Variants in ITGB5 observed in about 807,000 individuals in gnomAD.
ITGB5 encodes the protein integrin beta-5.
A neutral mutation model predicts 84.8 loss-of-function variants in ITGB5; 38 were observed. The observed-to-expected ratio is 0.45, with a 90% confidence interval of 0.35 to 0.59. The LOEUF is 0.59. Ranked by LOEUF, ITGB5 falls within the 20% of genes least tolerant of loss-of-function variation. ITGB5 has a pLI of 0.01. For missense variants in ITGB5, 905 were observed against 1,034.5 expected (o/e 0.87, Z 1.72); for synonymous variants, 393 against 414.4 (o/e 0.95, Z 0.63).
intron 10 of ITGB5, chr3:124,791,745 AG>A (rs1012480633): frequency 6.6e-6 from 1 of 152,212 alleles, no homozygotes; most frequent in African/African-American, 2.4e-5. Flanking sequence ...AGCACCTTCA[AG>A]AGCAGAGTGG....
Position 124,796,787 on chromosome 3 carries a change from T to G in ITGB5, c.1294A>C (p.Ser432Arg). The change falls in exon 10 of 15, where the codon AGC (serine) becomes CGC (arginine). Residue 432 changes from serine (S) to arginine (R), a missense_variant. By Grantham distance (110) the Ser-to-Arg change is moderately radical (BLOSUM62 -1). This residue lies in a region of ITGB5 where 656 missense variants were observed against 734.7 expected (regional missense o/e 0.89). Transcript: ENST00000296181. Reference protein sequence around the residue: ...ASFEVSLEARSCPSRHTEHVF... With the variant: ...ASFEVSLEARRCPSRHTEHVF... ...TGCTCCGTGTGTCTGCTGGGACAGC[T>G]TCGGGCCTCCAATGATACTTCAAAA... The G allele has an allele frequency of 6.2e-7, 1 of 1,610,454 alleles. No homozygotes were observed. The highest frequency in any genetic ancestry group is 1.1e-5 in the South Asian group (1 of 90,686).
intron 10 of ITGB5, among the ~76,000 whole-genome samples, chr3:124,778,041 G>T (rs2083425): frequency 0.16 from 25,002 of 152,086 alleles, 2,257 homozygotes; most frequent in Admixed American, 0.25. Context: ...ACATCCTGGC[G>T]GACAGTGCTC....
chr3:124,796,611 G>A lies in ITGB5; in HGVS notation c.1470C>T (p.Ser490=), dbSNP rs751682199. The A allele has an allele frequency of 4.2e-5, 67 of 1,614,016 alleles. No individual in the cohort carries two copies. Among genetic ancestry groups the A allele is most frequent in the Non-Finnish European group, 4.7e-5 (55 of 1,180,020 alleles). The change falls in exon 10 of 15, where the codon AGC becomes AGT. Residue 490 remains serine (S), a synonymous_variant. Coordinates refer to ENST00000296181, the MANE Select transcript of ITGB5 (RefSeq NM_002213.5). ...GTYVCGLCEC[S]PGYLGTRCEC... is the part of the protein sequence containing the mutation. ...CGCACCTGGTGCCCAGGTAGCCGGGGCTGCACTCACACAGGCCGCAGACAT... is the reference window on the plus strand; with the variant it reads ...CGCACCTGGTGCCCAGGTAGCCGGGACTGCACTCACACAGGCCGCAGACAT...
chr3:124,891,370 G>A (rs1337316587), upstream of ITGB5, among the ~76,000 whole-genome samples: 1 of 152,088 alleles, frequency 6.6e-6, no homozygotes, highest in African/African-American at 2.4e-5. Context: ...ACTTATAGTG[G>A]ACTATTATCA....
At chr3:124,864,381 C>G (rs990034165) in intron 2 of ITGB5, among the ~76,000 whole-genome samples, 1 of 152,102 alleles carries the variant, frequency 6.6e-6, no homozygotes, top group African/African-American at 2.4e-5. Context: ...GCTGGGATTA[C>G]AGGTGTGAGC....
intron 1 of ITGB5, among the ~76,000 whole-genome samples, chr3:124,892,746 T>G (rs916721163): frequency 6.7e-6 from 1 of 149,620 alleles, no homozygotes; most frequent in Non-Finnish European, 1.5e-5. Flanking sequence ...TATGTCTATT[T>G]TACCTGTAAA....
upstream of ITGB5, among the ~76,000 whole-genome samples, chr3:124,891,334 T>A (rs576840291): frequency 6.6e-6 from 1 of 152,132 alleles, no homozygotes; most frequent in African/African-American, 2.4e-5. Flanking sequence ...CATCAACAGA[T>A]GAACAGAAGA....
chr3:124,892,249 T>C (rs59000678), upstream of ITGB5, among the ~76,000 whole-genome samples: 105,887 of 151,528 alleles, frequency 0.7, 37,209 homozygotes, highest in East Asian at 0.78. Context: ...CTGCCTCGGC[T>C]TCCCAAAGTG....
chr3:124,835,637 G>A (rs992294779), intron 5 of ITGB5, among the ~76,000 whole-genome samples: 2 of 152,222 alleles, frequency 1.3e-5, no homozygotes, highest in Non-Finnish European at 1.5e-5. Flanking sequence ...AACATGTGGC[G>A]GGTCCCTCTC....
At position 124,819,497 on chromosome 3, in the gene ITGB5, G is replaced by A. The variant is rs550350183; in HGVS notation, c.1038+242C>T. 7.9e-5 allele frequency among the ~76,000 whole-genome samples: 12 copies of A among 151,976 alleles called. No individual in the cohort carries two copies. The South Asian group carries it at 1.0e-3, about 13-fold the overall frequency. On this transcript the variant is annotated intron_variant, in intron 7 of 14. Transcript: ENST00000296181. ...TCCAATTCATCACCCAAAAAAATGG[G>A]AATTCATGCTATTTTCAAGGTTTTT...
chr3:124,889,644 G>A (rs956717110), upstream of ITGB5, among the ~76,000 whole-genome samples: 2 of 152,184 alleles, frequency 1.3e-5, no homozygotes, highest in Non-Finnish European at 2.9e-5. Context: ...GAGCTGTCCT[G>A]GGTTTATCTT....
At chr3:124,786,404 T>TAAAAAA (rs879527219) in intron 10 of ITGB5, among the ~76,000 whole-genome samples, 10 of 142,014 alleles carry the variant, frequency 7.0e-5, no homozygotes, top group African/African-American at 2.6e-4. Context: ...CCCTGTCTCT[T>TAAAAAA]AAAAAAAAAA....
chr3:124,786,350 TAC>T (rs1365431643), intron 10 of ITGB5, among the ~76,000 whole-genome samples: 2 of 151,630 alleles, frequency 1.3e-5, no homozygotes, highest in East Asian at 1.9e-4. Flanking sequence ...TGCAGTAGGC[TAC>T]TGAGTGTACC....
chr3:124,878,311 G>A (rs1476444506), intron 1 of ITGB5, among the ~76,000 whole-genome samples: 1 of 152,146 alleles, frequency 6.6e-6, no homozygotes. Context: ...CAGCCTAAAA[G>A]CCCTTACTTA....
At chr3:124,831,291 A>G (rs1467006643) in intron 5 of ITGB5, among the ~76,000 whole-genome samples, 1 of 152,164 alleles carries the variant, frequency 6.6e-6, no homozygotes, top group African/African-American at 2.4e-5. Context: ...TGACCTGCAC[A>G]GAGGAACTAG....
At chr3:124,808,999 T>A (rs749992953) in intron 9 of ITGB5, 23 bp downstream of exon 9, 9 of 1,610,512 alleles carry the variant, frequency 5.6e-6, no homozygotes, top group Non-Finnish European at 7.6e-6. Context: ...CAAGAGTTCA[T>A]ACAAACTTGG....
intron 3 of ITGB5, among the ~76,000 whole-genome samples, chr3:124,856,918 C>T (rs1241633430): frequency 6.6e-6 from 1 of 152,156 alleles, no homozygotes; most frequent in Admixed American, 6.5e-5. Flanking sequence ...GAGTTCCCTT[C>T]CTTTTCTCTC....
chr3:124,818,765 A>G (rs1314898143), intron 7 of ITGB5, among the ~76,000 whole-genome samples: 6 of 152,186 alleles, frequency 3.9e-5, no homozygotes, highest in African/African-American at 1.4e-4. Context: ...GATTTGAACT[A>G]AAGGAGGATA....
intron 2 of ITGB5, chr3:124,862,410 G>A (rs2065317186): frequency 6.6e-6 from 1 of 152,224 alleles, no homozygotes; most frequent in Non-Finnish European, 1.5e-5. Flanking sequence ...TGGTCAATGA[G>A]ATGATCCCCC....
Sources: allele counts gnomAD v4.1 joint callset (sites outside exome capture counted in the v4.1 genomes callset), GRCh38; gene constraint gnomAD v4.1.1; regional missense constraint gnomAD v4.1.1; transcripts MANE v1.5; gene names NCBI Gene and HGNC (gene_info 2026-07-23, HGNC 2026-07-21).